PLD2: variants seen among roughly 807,000 people sequenced by gnomAD.
The protein encoded by PLD2 is choline phosphatase 2.
A neutral mutation model predicts 119.8 loss-of-function variants in PLD2; 101 were observed. The observed-to-expected ratio is 0.84, with a 90% CI of 0.72 to 0.99. PLD2 has a LOEUF of 0.99. Among genes scored for constraint, PLD2 ranks in the 50% least tolerant of loss-of-function variants. The probability of loss-of-function intolerance (pLI) is 0.00; values close to 1 mark genes in which losing one functional copy is unlikely to be tolerated. For missense variants in PLD2, 1,164 were observed against 1,226.8 expected (o/e 0.95, Z 0.76); for synonymous variants, 494 against 482.8 (o/e 1.02, Z -0.30).
chr17:4,808,286 A>G lies in PLD2; in HGVS notation c.253A>G (p.Thr85Ala). ...CTCATACCCCTAGGTGGGAACCTGCACTCTGTATTCTGTCCGCTTGACTCA... is the reference window on the plus strand; with the variant it reads ...CTCATACCCCTAGGTGGGAACCTGCGCTCTGTATTCTGTCCGCTTGACTCA... ...YTSGSKVGTC[T>A]LYSVRLTHGD... The change falls in exon 4 of 25, where the codon ACT (threonine) becomes GCT (alanine). Residue 85 changes from threonine (T) to alanine (A), a missense_variant. Transcript: ENST00000263088. This position sits in a 1 kb window ranked among gnomAD's most constrained non-coding sequence, Gnocchi z 4.1. The G allele has an allele frequency of 6.2e-7, 1 of 1,613,902 alleles. No homozygotes were observed. The highest frequency in any genetic ancestry group is 8.5e-7 in the Non-Finnish European group (1 of 1,179,890).
rs1342635617 is a variant in PLD2, at chr17:4,822,632, GC to G, written c.2578-5del. 1.3e-6 allele frequency: 2 copies of G among 1,594,446 alleles called. No homozygotes were observed. The highest frequency in any genetic ancestry group is 1.7e-6 in the Non-Finnish European group (2 of 1,166,608). On this transcript the variant is annotated splice_region_variant and splice_polypyrimidine_tract_variant and intron_variant, in intron 24 of 24. Transcript: ENST00000263088. ...AAGCCTTACTGGCGTCCATGCCCCC[GC>G]CCACAGATCTTCCGCTGCCTGCCAT...
At position 4,820,191 on chromosome 17, in the gene PLD2, A is replaced by T. The variant is rs1474136972; in HGVS notation, c.2462+609A>T. 3.3e-5 allele frequency among the ~76,000 whole-genome samples: 5 copies of T among 151,118 alleles called. 1 individual carries two copies. The highest frequency in any genetic ancestry group is 9.8e-5 in the African/African-American group (4 of 41,012). On this transcript the variant is annotated intron_variant, in intron 23 of 24. Coordinates refer to ENST00000263088, the MANE Select transcript of PLD2 (RefSeq NM_002663.5). Reference sequence around the variant, plus strand: ...ACTCCCGACCTCAGGTGATCCACCCACTTCAGCATTCCAAAGTGCTGGGAT... The same window carrying T: ...ACTCCCGACCTCAGGTGATCCACCCTCTTCAGCATTCCAAAGTGCTGGGAT...
Position 4,819,312 on chromosome 17 carries a change from T to C in PLD2, c.2308+94T>C, listed in dbSNP as rs878913936. On this transcript the variant is annotated intron_variant, in intron 22 of 24. Transcript: ENST00000263088. This position sits in a 1 kb window ranked among gnomAD's most constrained non-coding sequence, Gnocchi z 4.2. ...TGACAGAGACTGCAGCTGAGGCTCG[T>C]GTAGGGGTGGAGGGTCCAAGAAGGA... The C allele has an allele frequency of 3.9e-5, 62 of 1,592,154 alleles. No individual in the cohort carries two copies. The South Asian group carries it at 6.4e-4, about 16-fold the overall frequency.
At chr17:4,820,573 C>G (rs908015978) in intron 23 of PLD2, among the ~76,000 whole-genome samples, 1 of 111,698 alleles carries the variant, frequency 9.0e-6, no homozygotes, top group Non-Finnish European at 1.9e-5. Context: ...AAAAAAAAAT[C>G]TTTTTTTTTT....
chr17:4,817,123 A>T, intron 16 of PLD2, 23 bp from the exon 17 acceptor site: 1 of 1,602,004 alleles, frequency 6.2e-7, no homozygotes, highest in Non-Finnish European at 8.6e-7. Context: ...CCTCCTGCTG[A>T]CTCTGCCATC....
Position 4,807,755 on chromosome 17 carries a change from C to T in PLD2, c.-1-17C>T, listed in dbSNP as rs530453089. 244 of 1,472,628 alleles carry T rather than the reference C, an allele frequency of 1.7e-4. 2 individuals carry two copies. The South Asian group carries it at 2.5e-3, about 15-fold the overall frequency. The allele number at this position is 1,472,628 out of a possible 1,614,324, so 91.2% of individuals were successfully genotyped here. A position where few individuals can be genotyped will look rare whatever the true frequency, so the allele number is the denominator to read the frequency against. On this transcript the variant is annotated splice_polypyrimidine_tract_variant and intron_variant, in intron 1 of 24. Coordinates refer to ENST00000263088, the MANE Select transcript of PLD2 (RefSeq NM_002663.5). The surrounding 1 kb of genome is among the most constrained non-coding windows in gnomAD (Gnocchi z 5.4). ...TGCAGGACAGCTCGCCTCCCTGAGG[C>T]TTCCCAATGTTCCTAGGATGACGGC...
At chr17:4,811,070 C>T (rs375210714) in intron 10 of PLD2, 119 bp downstream of exon 10, 13 of 927,322 alleles carry the variant, frequency 1.4e-5, no homozygotes, top group African/African-American at 5.0e-5. Flanking sequence ...TGACCCGCCC[C>T]GTGACTTCTT....
chr17:4,811,297 C>CTTTTTTTTTTTTTT (rs35190261), intron 10 of PLD2, among the ~76,000 whole-genome samples: 1 of 77,850 alleles, frequency 1.3e-5, no homozygotes, highest in African/African-American at 4.9e-5. Context: ...ATTTTCTTTT[C>CTTTTTTTTTTTTTT]TTTTTTTTTT....
chr17:4,809,563 G>A lies in PLD2; in HGVS notation c.614+12G>A. On this transcript the variant is annotated intron_variant, in intron 7 of 24. Coordinates refer to ENST00000263088, the MANE Select transcript of PLD2 (RefSeq NM_002663.5). Reference sequence around the variant, plus strand: ...GGCCGCAAAGGACTGTGAGTGTCTGGCCCCCTTCACCCAGGCATCCGTAGA... The same window carrying A: ...GGCCGCAAAGGACTGTGAGTGTCTGACCCCCTTCACCCAGGCATCCGTAGA... 6.2e-7 allele frequency: 1 copy of A among 1,605,278 alleles called. No individual in the cohort carries two copies. Among genetic ancestry groups the A allele is most frequent in the East Asian group, 2.2e-5 (1 of 44,676 alleles).
intron 23 of PLD2, chr17:4,821,574 T>C (rs1260773069): frequency 2.7e-6 from 1 of 364,708 alleles, no homozygotes; most frequent in Non-Finnish European, 5.1e-6. Flanking sequence ...TTGTATTTTT[T>C]TGTAGAGATG....
At chr17:4,820,934 G>A (rs1000626253) in intron 23 of PLD2, among the ~76,000 whole-genome samples, 6 of 139,540 alleles carry the variant, frequency 4.3e-5, no homozygotes, top group East Asian at 4.4e-4. Flanking sequence ...AGACGGAGTC[G>A]CTCTGTCACC....
intron 10 of PLD2, chr17:4,814,048 T>C (rs1275137644): frequency 4.6e-6 from 1 of 216,162 alleles, no homozygotes; most frequent in African/African-American, 2.4e-5. Context: ...TGTTTACTAG[T>C]GAAACTGAAC....
At chr17:4,813,789 G>T (rs1471097087) in intron 10 of PLD2, among the ~76,000 whole-genome samples, 1 of 152,190 alleles carries the variant, frequency 6.6e-6, no homozygotes, top group African/African-American at 2.4e-5. Flanking sequence ...AACCCAAGAG[G>T]CGGAGGTTGC....
intron 12 of PLD2, among the ~76,000 whole-genome samples, chr17:4,815,239 G>A (rs114678217): frequency 2.6e-5 from 4 of 152,064 alleles, no homozygotes; most frequent in African/African-American, 9.7e-5. Flanking sequence ...AAATGCTTGG[G>A]AAGATGGATG....
In PLD2 at chr17:4,819,125, C is replaced by G. The variant is rs201665984; in HGVS notation, c.2215C>G (p.Arg739Gly). 3 of 1,614,156 alleles carry G rather than the reference C, an allele frequency of 1.9e-6. No individual in the cohort carries two copies. In the East Asian group the frequency reaches 6.7e-5, roughly 36 times the overall value. ...WRDYISICGL[R>G]THGELGGHPV... ...GGACTATATTTCCATCTGCGGGCTT[C>G]GTACACACGGAGAGCTGGGCGGGCA... Residue 739 changes from arginine to glycine, a missense_variant, in exon 22 of 25, where the codon CGT becomes GGT. Coordinates refer to ENST00000263088, the MANE Select transcript of PLD2 (RefSeq NM_002663.5). The surrounding 1 kb of genome is among the most constrained non-coding windows in gnomAD (Gnocchi z 4.2).
chr17:4,818,665 C>T, intron 20 of PLD2, 58 bp downstream of exon 20: 2 of 1,557,736 alleles, frequency 1.3e-6, no homozygotes, highest in Non-Finnish European at 1.8e-6. Context: ...TGTCCCCCTC[C>T]TGATTCTGTC....
Position 4,819,595 on chromosome 17 carries a change from C to T in PLD2, c.2462+13C>T, listed in dbSNP as rs371080863. ...AGCACTGCTTCGGGTAGAGCTGGGG[C>T]GGGATGCCACAGGGTGGGAGGGAGA... On this transcript the variant is annotated intron_variant, in intron 23 of 24. Transcript: ENST00000263088. This position sits in a 1 kb window ranked among gnomAD's most constrained non-coding sequence, Gnocchi z 4.2. 58 of 1,596,782 alleles carry T rather than the reference C, an allele frequency of 3.6e-5. No homozygotes were observed. The highest frequency in any genetic ancestry group is 3.1e-4 in the African/African-American group (23 of 74,828).
At position 4,808,421 on chromosome 17, in the gene PLD2, G is replaced by C. The variant is rs1227830243; in HGVS notation, c.383+5G>C. Reference sequence around the variant, plus strand: ...GAGTCTGCTCCCTCTGGCTCGGTGAGGGCGACCGGACTGCTTCCTGTAGAG... The same window carrying C: ...GAGTCTGCTCCCTCTGGCTCGGTGACGGCGACCGGACTGCTTCCTGTAGAG... On this transcript the variant is annotated splice_donor_5th_base_variant and intron_variant, in intron 4 of 24. Coordinates refer to ENST00000263088, the MANE Select transcript of PLD2 (RefSeq NM_002663.5). The surrounding 1 kb of genome is among the most constrained non-coding windows in gnomAD (Gnocchi z 4.1). 1.9e-6 allele frequency: 3 copies of C among 1,613,074 alleles called. No homozygotes were observed. The highest frequency in any genetic ancestry group is 2.5e-6 in the Non-Finnish European group (3 of 1,179,518).
chr17:4,819,175 C>A lies in PLD2; in HGVS notation c.2265C>A (p.Ile755=), dbSNP rs1254433070. ...GGHPVSELIY[I]HSKVLIADDR... is the part of the protein sequence containing the mutation. The stretch of plus-strand genomic sequence containing the variant: ...ACCCCGTCTCGGAGCTCATCTACAT[C>A]CACAGCAAGGTGCTCATCGCAGATG... The change falls in exon 22 of 25, where the codon ATC becomes ATA. Residue 755 remains isoleucine (I), a synonymous_variant. Coordinates refer to ENST00000263088, the MANE Select transcript of PLD2 (RefSeq NM_002663.5). The surrounding 1 kb of genome is among the most constrained non-coding windows in gnomAD (Gnocchi z 4.2). 1.2e-6 allele frequency: 2 copies of A among 1,614,040 alleles called. No homozygotes were observed. Among genetic ancestry groups the A allele is most frequent in the Non-Finnish European group, 1.7e-6 (2 of 1,180,026 alleles).
Sources: gnomAD v4.1 joint callset for allele counts (sites outside exome capture counted in the v4.1 genomes callset) on GRCh38, gnomAD v4.1.1 for gene constraint, Gnocchi (gnomAD v3.1) non-coding constraint, MANE v1.5 for transcripts, NCBI Gene and HGNC (gene_info 2026-07-23, HGNC 2026-07-21) for gene names.